Variants in KASH5 observed in about 807,000 individuals in gnomAD.
KASH5 encodes the protein KASH domain containing 5.
KASH5 carries 72 observed loss-of-function variants against 84.2 expected under a neutral mutation model. The ratio of observed to expected loss-of-function variants is 0.85; its 90% CI spans 0.71 to 1.04. KASH5 has a LOEUF of 1.04. Ranked by LOEUF, KASH5 falls within the 50% of genes least tolerant of loss-of-function variation. The pLI, the probability that KASH5 is intolerant of heterozygous loss-of-function variation, is 0.00. For missense variants in KASH5, 650 were observed against 701.0 expected (o/e 0.93, Z 0.82); for synonymous variants, 260 against 279.1 (o/e 0.93, Z 0.68).
At chr19:49,402,205 G>A (rs1464668611) in intron 9 of KASH5, among the ~76,000 whole-genome samples, 1 of 150,560 alleles carries the variant, frequency 6.6e-6, no homozygotes, top group Non-Finnish European at 1.5e-5. Flanking sequence ...TGGTACCAGT[G>A]TACTCCAGTC....
rs1450197964 is a variant in KASH5, at chr19:49,400,366, T to TC, written c.798+859_798+860insC. Among the ~76,000 whole-genome samples, 636 of 144,446 alleles carry TC rather than the reference T, an allele frequency of 4.4e-3. 6 individuals carry two copies. The highest frequency in any genetic ancestry group is 0.013 in the African/African-American group (511 of 39,198). 94.8% of individuals were successfully genotyped at this position (144,446 alleles called of 152,430 possible). A position where few individuals can be genotyped will look rare whatever the true frequency, so the allele number is the denominator to read the frequency against. On this transcript the variant is annotated intron_variant, in intron 9 of 19. Coordinates refer to ENST00000447857, the MANE Select transcript of KASH5 (RefSeq NM_144688.5). ...TACTTTTAGTTTCTTTTTTTTTTTTTTCTTTTTTTTTTTTTTGAGACAGAG... is the reference window on the plus strand; with the variant it reads ...TACTTTTAGTTTCTTTTTTTTTTTTTCTCTTTTTTTTTTTTTTGAGACAGAG...
chr19:49,410,078 G>A (rs186984539), intron 15 of KASH5, among the ~76,000 whole-genome samples: 16 of 152,348 alleles, frequency 1.1e-4, no homozygotes, highest in African/African-American at 3.4e-4. Context: ...ACCTGCCAGC[G>A]TTGTAGACAA....
At chr19:49,411,076 A>G (rs1452084552) in intron 15 of KASH5, among the ~76,000 whole-genome samples, 1 of 152,076 alleles carries the variant, frequency 6.6e-6, no homozygotes, top group African/African-American at 2.4e-5. Flanking sequence ...AGTAGCTGCA[A>G]CCACAGGCAT....
In KASH5 at chr19:49,395,998, G is replaced by A. The variant is rs578216894; in HGVS notation, c.400+165G>A. On this transcript the variant is annotated intron_variant, in intron 5 of 19. Coordinates refer to ENST00000447857, the MANE Select transcript of KASH5 (RefSeq NM_144688.5). This position sits in a 1 kb window ranked among gnomAD's most constrained non-coding sequence, Gnocchi z 4.4. ...GGTCCTCCGTCCCTTCCTTCCGTGA[G>A]CTTTGGGTTTCTTTTCTTCAGAGGG... Among the ~76,000 whole-genome samples, 39 of 152,220 alleles carry A rather than the reference G, an allele frequency of 2.6e-4. No homozygotes were observed. Among genetic ancestry groups the A allele is most frequent in the African/African-American group, 9.2e-4 (38 of 41,502 alleles).
Position 49,395,379 on chromosome 19 carries a change from G to T in KASH5, c.335+87G>T, listed in dbSNP as rs527858691. On this transcript the variant is annotated intron_variant, in intron 4 of 19. Transcript: ENST00000447857. This position sits in a 1 kb window ranked among gnomAD's most constrained non-coding sequence, Gnocchi z 4.4. ...GCTTACTGGAGCCAGCATCCTTTAG[G>T]CCCAAGGACCTACTGTGTTTGGAAT... The T allele has an allele frequency of 3.3e-5, 46 of 1,396,372 alleles. 1 individual carries two copies. In the African/African-American group the frequency reaches 4.5e-4, roughly 14 times the overall value. The allele number at this position is 1,396,372 out of a possible 1,614,324, so 86.5% of individuals were successfully genotyped here.
chr19:49,396,845 G>A (rs1428645579), intron 5 of KASH5, among the ~76,000 whole-genome samples: 6 of 152,140 alleles, frequency 3.9e-5, no homozygotes, highest in Non-Finnish European at 7.4e-5. Context: ...GAACATTTGA[G>A]CCCAGTAGTT....
rs769823017 is a variant in KASH5 at position 49,398,042 on chromosome 19, G to C, written c.528G>C (p.Leu176=). The C allele has an allele frequency of 6.2e-7, 1 of 1,613,940 alleles. No homozygotes were observed. Among genetic ancestry groups the C allele is most frequent in the Non-Finnish European group, 8.5e-7 (1 of 1,179,854 alleles). ...LEDLELSNRR[L]VGENAKLQRS... ...ACCTGGAGCTCAGCAACCGACGTCT[G>C]GTTGGGGAGAATGCCAAATTGCAGC... Residue 176 remains leucine, a synonymous_variant, in exon 7 of 20, where the codon CTG becomes CTC. Coordinates refer to ENST00000447857, the MANE Select transcript of KASH5 (RefSeq NM_144688.5).
At position 49,394,463 on chromosome 19, in the gene KASH5, C is replaced by G. The variant is rs199971301; in HGVS notation, c.44-13C>G. ...TCTTCCCACTGGTGAGCTGAGCCCTCTTGTCTCCCCAGTGTACCTCCGGGA... is the reference window on the plus strand; with the variant it reads ...TCTTCCCACTGGTGAGCTGAGCCCTGTTGTCTCCCCAGTGTACCTCCGGGA... On this transcript the variant is annotated splice_polypyrimidine_tract_variant and intron_variant, in intron 2 of 19. Coordinates refer to ENST00000447857, the MANE Select transcript of KASH5 (RefSeq NM_144688.5). The G allele has an allele frequency of 3.4e-4, 554 of 1,610,190 alleles. No homozygotes were observed. The highest frequency in any genetic ancestry group is 4.2e-4 in the Non-Finnish European group (499 of 1,176,696).
Position 49,414,719 on chromosome 19 carries a change from G to A in KASH5, c.1329-232G>A, listed in dbSNP as rs935407436. 2.1e-5 allele frequency among the ~76,000 whole-genome samples: 3 copies of A among 145,664 alleles called. No homozygotes were observed. The highest frequency in any genetic ancestry group is 4.5e-5 in the Non-Finnish European group (3 of 66,160). On this transcript the variant is annotated intron_variant, in intron 16 of 19. Transcript: ENST00000447857. This position sits in a 1 kb window ranked among gnomAD's most constrained non-coding sequence, Gnocchi z 4.5. ...TGCCTGGCCTCCCCCAGGCCCGTCCGTGCTGCCTGGCCTCCCCCAGGCCCG... is the reference window on the plus strand; with the variant it reads ...TGCCTGGCCTCCCCCAGGCCCGTCCATGCTGCCTGGCCTCCCCCAGGCCCG...
rs988903102 is a variant in KASH5, at chr19:49,398,225, C to T, written c.629+82C>T. ...GCAGCCGGCCTCTATCTCCCATGCT[C>T]GTGTCTGCATCCTGCTCTTTGACTC... On this transcript the variant is annotated intron_variant, in intron 7 of 19. Coordinates refer to ENST00000447857, the MANE Select transcript of KASH5 (RefSeq NM_144688.5). 135 of 1,273,334 alleles carry T rather than the reference C, an allele frequency of 1.1e-4. 1 individual carries two copies. The African/African-American group carries it at 1.2e-3, about 11-fold the overall frequency. The allele number at this position is 1,273,334 out of a possible 1,614,324, so 78.9% of individuals were successfully genotyped here.
intron 17 of KASH5, chr19:49,415,483 CG>C (rs1974876155): frequency 4.7e-6 from 1 of 210,954 alleles, no homozygotes; most frequent in South Asian, 7.3e-5. Context: ...CAGGCAAGGA[CG>C]GGGAAAGAAA....
intron 9 of KASH5, among the ~76,000 whole-genome samples, chr19:49,404,999 T>C (rs1974478738): frequency 6.6e-6 from 1 of 152,194 alleles, no homozygotes; most frequent in African/African-American, 2.4e-5. Flanking sequence ...ACCTGCTTTC[T>C]TCCACAGAAT....
intron 1 of KASH5, among the ~76,000 whole-genome samples, chr19:49,388,856 T>TC (rs1473862977): frequency 2.0e-5 from 3 of 151,638 alleles, no homozygotes; most frequent in Admixed American, 2.0e-4. Context: ...CCTATTACTC[T>TC]CCCCAGATCA....
chr19:49,390,609 C>G (rs1973970593), intron 1 of KASH5, among the ~76,000 whole-genome samples, 180 bp from the exon 2 acceptor site: 1 of 152,106 alleles, frequency 6.6e-6, no homozygotes, highest in South Asian at 2.1e-4. Context: ...ATGTCAGCCA[C>G]CTCGTTCTCC....
At chr19:49,408,919 G>A (rs1364007908) in intron 12 of KASH5, 48 bp from the exon 13 acceptor site, 5 of 1,547,690 alleles carry the variant, frequency 3.2e-6, no homozygotes, top group Non-Finnish European at 4.4e-6. Context: ...GGATGGGAGG[G>A]TGGGAAAAAT....
intron 9 of KASH5, among the ~76,000 whole-genome samples, chr19:49,400,152 C>CG (rs1267521472): frequency 6.9e-6 from 1 of 143,912 alleles, no homozygotes; most frequent in East Asian, 2.0e-4. Context: ...TGCACGAGCC[C>CG]GGGAGACAGA....
rs749073038 is a variant in KASH5, at chr19:49,409,020, G to C, written c.1047G>C (p.Glu349Asp). 2 of 1,592,252 alleles carry C rather than the reference G, an allele frequency of 1.3e-6. No individual in the cohort carries two copies. The highest frequency in any genetic ancestry group is 2.3e-5 in the East Asian group (1 of 44,000). ...AGGAGCAGCTGAGTCAGACCTATGAGGGGCCCGATGAGTGAGTGGAATTTC... is the reference window on the plus strand; with the variant it reads ...AGGAGCAGCTGAGTCAGACCTATGACGGGCCCGATGAGTGAGTGGAATTTC... ...RLEEQLSQTY[E>D]GPDELPEGAQ... The change falls in exon 13 of 20, where the codon GAG (glutamate) becomes GAC (aspartate). Residue 349 changes from glutamate to aspartate, a missense_variant. Transcript: ENST00000447857.
rs1167517932 is a variant in KASH5, at chr19:49,412,535, C to G, written c.1270-433C>G. On this transcript the variant is annotated intron_variant, in intron 15 of 19. Coordinates refer to ENST00000447857, the MANE Select transcript of KASH5 (RefSeq NM_144688.5). The surrounding 1 kb of genome is among the most constrained non-coding windows in gnomAD (Gnocchi z 4.6). The stretch of plus-strand genomic sequence containing the variant: ...AATGCCAATATGTCTCTGGAGAAAC[C>G]GAGAGGTACTTGGGTCCTGAGGGAG... Among the ~76,000 whole-genome samples, 1 of 152,066 alleles carries G rather than the reference C, an allele frequency of 6.6e-6. No homozygotes were observed. The highest frequency in any genetic ancestry group is 1.5e-5 in the Non-Finnish European group (1 of 68,008).
At chr19:49,410,236 TATTAAGC>T (rs1340521870) in intron 15 of KASH5, among the ~76,000 whole-genome samples, 1 of 152,244 alleles carries the variant, frequency 6.6e-6, no homozygotes, top group African/African-American at 2.4e-5. Flanking sequence ...TTTAAGGATA[TATTAAGC>T]ATTTATGTTT....
Sources: allele counts gnomAD v4.1 joint callset (sites outside exome capture counted in the v4.1 genomes callset), GRCh38; gene constraint gnomAD v4.1.1; non-coding constraint Gnocchi (gnomAD v3.1); transcripts MANE v1.5; gene names NCBI Gene and HGNC (gene_info 2026-07-23, HGNC 2026-07-21).